ATXN10: variants seen among roughly 807,000 people sequenced by gnomAD.
ATXN10 encodes the protein ataxin-10.
Under a neutral mutation model 52.9 loss-of-function variants are expected in ATXN10, and 28 were observed. The ratio of observed to expected loss-of-function variants is 0.53; its 90% confidence interval spans 0.39 to 0.73. ATXN10 has a LOEUF of 0.73. Among genes scored for constraint, ATXN10 ranks in the 30% least tolerant of loss-of-function variants. The pLI, the probability that ATXN10 is intolerant of heterozygous loss-of-function variation, is 0.00. For missense variants in ATXN10, 565 were observed against 577.0 expected, an observed-to-expected ratio of 0.98 and a Z score of 0.21; for synonymous variants, 226 against 221.5, an observed-to-expected ratio of 1.02 and a Z score of -0.18.
At chr22:45,672,308 T>G in intron 1 of ATXN10, 129 bp downstream of exon 1, 1 of 1,045,542 alleles carries the variant, frequency 9.6e-7, no homozygotes, top group Non-Finnish European at 1.2e-6. Context: ...CTGCGCGGGC[T>G]GCCTGAGCGC....
intron 1 of ATXN10, among the ~76,000 whole-genome samples, chr22:45,680,844 C>A (rs769084889): frequency 2.6e-5 from 4 of 152,162 alleles, no homozygotes; most frequent in Non-Finnish European, 5.9e-5. Flanking sequence ...GCAAAATTCC[C>A]TGTATCCTGA....
In ATXN10 at chr22:45,805,315, A is replaced by G. The variant is rs183856163; in HGVS notation, c.1174-1644A>G. Among the ~76,000 whole-genome samples the G allele has an allele frequency of 2.6e-5, 4 of 152,242 alleles. No homozygotes were observed. Among genetic ancestry groups the G allele is most frequent in the Non-Finnish European group, 5.9e-5 (4 of 68,038 alleles). ...CAGTCTGGCTGTTCCTCAAATGTTT[A>G]TAACTCATATGATCTAGCAGTTTGA... On this transcript the variant is annotated intron_variant, in intron 9 of 11. Transcript: ENST00000252934. The surrounding 1 kb of genome is among the most constrained non-coding windows in gnomAD (Gnocchi z 4.4).
chr22:45,810,568 A>G (rs1716059603), intron 10 of ATXN10, among the ~76,000 whole-genome samples: 1 of 152,228 alleles, frequency 6.6e-6, no homozygotes. Flanking sequence ...GCATTGACTG[A>G]AATGAATTTG....
rs955967966 is a variant in ATXN10, at chr22:45,805,607, C to T, written c.1174-1352C>T. Among the ~76,000 whole-genome samples the T allele has an allele frequency of 2.0e-5, 3 of 152,178 alleles. No individual in the cohort carries two copies. The highest frequency in any genetic ancestry group is 6.5e-5 in the Admixed American group (1 of 15,280). ...CAGGTTCAAAAGGCTACATGTCGTT[C>T]AGATTTTCTGACTCCGTTATAGGAA... On this transcript the variant is annotated intron_variant, in intron 9 of 11. Transcript: ENST00000252934. This position sits in a 1 kb window ranked among gnomAD's most constrained non-coding sequence, Gnocchi z 4.4.
intron 9 of ATXN10, among the ~76,000 whole-genome samples, chr22:45,747,786 A>T (rs1925790793): frequency 6.6e-6 from 1 of 152,092 alleles, no homozygotes. Flanking sequence ...GGTTGGGAGG[A>T]TTAAATGTGA....
chr22:45,722,507 T>C (rs1261658333), intron 6 of ATXN10, among the ~76,000 whole-genome samples: 1 of 152,230 alleles, frequency 6.6e-6, no homozygotes, highest in Non-Finnish European at 1.5e-5. Flanking sequence ...TGACTGCTTC[T>C]TTCCTTTGAA....
At chr22:45,707,758 C>G (rs1315759982) in intron 5 of ATXN10, among the ~76,000 whole-genome samples, 2 of 151,968 alleles carry the variant, frequency 1.3e-5, no homozygotes, top group African/African-American at 4.8e-5. Context: ...TAAATGATCA[C>G]TTCTGCAGTC....
rs1028941127 is a variant in ATXN10, at chr22:45,842,521, A to G, written c.1238-470A>G. Among the ~76,000 whole-genome samples, 3 of 152,240 alleles carry G rather than the reference A, an allele frequency of 2.0e-5. No individual in the cohort carries two copies. The highest frequency in any genetic ancestry group is 1.9e-4 in the East Asian group (1 of 5,200). ...CTAACTGGGCTCCCATTAAAACAAG[A>G]TGATTTTCCTGATTCTAACCTGACG... is the stretch of plus-strand genomic sequence containing the variant. On this transcript the variant is annotated intron_variant, in intron 10 of 11. Coordinates refer to ENST00000252934, the MANE Select transcript of ATXN10 (RefSeq NM_013236.4). This position sits in a 1 kb window ranked among gnomAD's most constrained non-coding sequence, Gnocchi z 4.8.
At chr22:45,730,302 C>T (rs1195466769) in intron 7 of ATXN10, among the ~76,000 whole-genome samples, 1 of 150,996 alleles carries the variant, frequency 6.6e-6, no homozygotes, top group East Asian at 1.9e-4. Context: ...CATGATTGCC[C>T]CACTGCCCTC....
chr22:45,773,898 G>A (rs1431429438), intron 9 of ATXN10, among the ~76,000 whole-genome samples: 1 of 152,222 alleles, frequency 6.6e-6, no homozygotes, highest in Non-Finnish European at 1.5e-5. Flanking sequence ...AACAAGAGAA[G>A]GATGGGTTTA....
intron 9 of ATXN10, among the ~76,000 whole-genome samples, chr22:45,767,734 A>G (rs1481541687): frequency 6.6e-6 from 1 of 152,190 alleles, no homozygotes; most frequent in East Asian, 1.9e-4. Context: ...GAAGGAAGGA[A>G]TCTATGTATA....
rs1272301239 is a variant in ATXN10, at chr22:45,841,781, G to A, written c.1238-1210G>A. On this transcript the variant is annotated intron_variant, in intron 10 of 11. Coordinates refer to ENST00000252934, the MANE Select transcript of ATXN10 (RefSeq NM_013236.4). The surrounding 1 kb of genome is among the most constrained non-coding windows in gnomAD (Gnocchi z 5.1). ...AAAGAGCACCAGCTTTGTGAATGTTGAAGTTTTCTCTGTGTTCTCATGCCA... is the reference window on the plus strand; with the variant it reads ...AAAGAGCACCAGCTTTGTGAATGTTAAAGTTTTCTCTGTGTTCTCATGCCA... Among the ~76,000 whole-genome samples, 19 of 152,308 alleles carry A rather than the reference G, an allele frequency of 1.2e-4. No homozygotes were observed. The highest frequency in any genetic ancestry group is 1.5e-5 in the Non-Finnish European group (1 of 68,030).
At position 45,684,254 on chromosome 22, in the gene ATXN10, C is replaced by T. The variant is rs1022189664; in HGVS notation, c.117-5458C>T. On this transcript the variant is annotated intron_variant, in intron 1 of 11. Transcript: ENST00000252934. The surrounding 1 kb of genome is among the most constrained non-coding windows in gnomAD (Gnocchi z 4.1). ...GCATATGAACCACTGCGCCTGGCCG[C>T]CTTAGTTCCTTTCATTTAGCACAGT... is the stretch of plus-strand genomic sequence containing the variant. 6.6e-6 allele frequency among the ~76,000 whole-genome samples: 1 copy of T among 151,956 alleles called. No individual in the cohort carries two copies. The highest frequency in any genetic ancestry group is 2.4e-5 in the African/African-American group (1 of 41,358).
rs1026368074 is a variant in ATXN10, at chr22:45,823,344, G to A, written c.1237+16322G>A. 1.2e-5 allele frequency: 4 copies of A among 346,036 alleles called. No homozygotes were observed. Among genetic ancestry groups the A allele is most frequent in the African/African-American group, 8.7e-5 (4 of 46,016 alleles). The allele number at this position is 346,036 out of a possible 1,614,324, so 21.4% of individuals were successfully genotyped here. On this transcript the variant is annotated intron_variant, in intron 10 of 11. Coordinates refer to ENST00000252934, the MANE Select transcript of ATXN10 (RefSeq NM_013236.4). The surrounding 1 kb of genome is among the most constrained non-coding windows in gnomAD (Gnocchi z 4.9). ...CTGAGGTCTGAGGTCATAAAAGTAT[G>A]CTAAAGGCTTTACAGTTTTGCCTTC... is the stretch of plus-strand genomic sequence containing the variant.
rs942999343 is a variant in ATXN10 at position 45,678,176 on chromosome 22, A to G, written c.116+5997A>G. 15 of 152,198 alleles carry G rather than the reference A, an allele frequency of 9.9e-5. No individual in the cohort carries two copies. Among genetic ancestry groups the G allele is most frequent in the African/African-American group, 3.6e-4 (15 of 41,460 alleles). The allele number at this position is 152,198 out of a possible 1,614,324, so 9.4% of individuals were successfully genotyped here. ...GTGATAGTTGTACAACATTGTGAAT[A>G]TAATTAAAGCCATTGAACTGTAGAC... On this transcript the variant is annotated intron_variant, in intron 1 of 11. Transcript: ENST00000252934. This position sits in a 1 kb window ranked among gnomAD's most constrained non-coding sequence, Gnocchi z 4.1.
rs983884246 is a variant in ATXN10, at chr22:45,728,666, A to C, written c.729-759A>C. 1.3e-5 allele frequency among the ~76,000 whole-genome samples: 2 copies of C among 152,338 alleles called. No individual in the cohort carries two copies. Among genetic ancestry groups the C allele is most frequent in the Non-Finnish European group, 2.9e-5 (2 of 68,022 alleles). On this transcript the variant is annotated intron_variant, in intron 6 of 11. Transcript: ENST00000252934. This position sits in a 1 kb window ranked among gnomAD's most constrained non-coding sequence, Gnocchi z 4.3. Reference sequence around the variant, plus strand: ...CCAAATCAAAATGTAATTTTGAGCAAATGTGCTAATTGATTTATGCTAGAC... The same window carrying C: ...CCAAATCAAAATGTAATTTTGAGCACATGTGCTAATTGATTTATGCTAGAC...
chr22:45,771,009 A>G (rs367923958), intron 9 of ATXN10, among the ~76,000 whole-genome samples: 8 of 152,264 alleles, frequency 5.3e-5, no homozygotes, highest in South Asian at 4.1e-4. Flanking sequence ...CTTCCCTCCA[A>G]TGCAAAATGG....
intron 9 of ATXN10, among the ~76,000 whole-genome samples, chr22:45,777,168 T>G (rs1169922903): frequency 6.6e-6 from 1 of 152,232 alleles, no homozygotes; most frequent in Admixed American, 6.5e-5. Context: ...TGGATCAGCC[T>G]TAGGGAGAGG....
Position 45,818,651 on chromosome 22 carries a change from G to A in ATXN10, c.1237+11629G>A, listed in dbSNP as rs573650507. The stretch of plus-strand genomic sequence containing the variant: ...GCAGGGATCAGGGATCAGGGGGCAG[G>A]GATCATCACGCAGGAAGCTGTGTGA... On this transcript the variant is annotated intron_variant, in intron 10 of 11. Transcript: ENST00000252934. This position sits in a 1 kb window ranked among gnomAD's most constrained non-coding sequence, Gnocchi z 4.6. Among the ~76,000 whole-genome samples, 103 of 152,154 alleles carry A rather than the reference G, an allele frequency of 6.8e-4. No individual in the cohort carries two copies. The highest frequency in any genetic ancestry group is 3.4e-3 in the Middle Eastern group (1 of 294).
Sources: allele counts gnomAD v4.1 joint callset (sites outside exome capture counted in the v4.1 genomes callset), GRCh38; gene constraint gnomAD v4.1.1; non-coding constraint Gnocchi (gnomAD v3.1); transcripts MANE v1.5; gene names NCBI Gene and HGNC (gene_info 2026-07-23, HGNC 2026-07-21).